Variants in TMEM178B observed in about 807,000 individuals in gnomAD.
The protein encoded by TMEM178B is transmembrane protein 178B.
Under a neutral mutation model 31.0 loss-of-function variants are expected in TMEM178B, and 5 were observed. The ratio of observed to expected loss-of-function variants is 0.16; its 90% confidence interval spans 0.08 to 0.34. The LOEUF is 0.34. TMEM178B is among the 10% of genes least tolerant of loss of function. TMEM178B has a pLI of 1.00. For synonymous variants in TMEM178B, 164 were observed against 164.0 expected, an observed-to-expected ratio of 1.00 and a Z score of 0.00; for missense variants, 275 against 400.3, an observed-to-expected ratio of 0.69 and a Z score of 2.67.
At chr7:141,409,194 G>A (rs1373244605) in intron 2 of TMEM178B, among the ~76,000 whole-genome samples, 3 of 152,170 alleles carry the variant, frequency 2.0e-5, no homozygotes, top group Non-Finnish European at 4.4e-5. Context: ...GCCACCCCAT[G>A]TCACTATCAT....
intron 2 of TMEM178B, among the ~76,000 whole-genome samples, chr7:141,251,534 G>A (rs912842067): frequency 2.0e-5 from 3 of 152,086 alleles, no homozygotes; most frequent in African/African-American, 4.8e-5. Context: ...CTAGGTGCAT[G>A]ATATAGAGTT....
intron 3 of TMEM178B, among the ~76,000 whole-genome samples, chr7:141,442,482 C>T (rs1443134255): frequency 1.3e-5 from 2 of 152,164 alleles, no homozygotes; most frequent in African/African-American, 4.8e-5. Context: ...CTCCTTACAC[C>T]TCTTTAGAAG....
intron 1 of TMEM178B, among the ~76,000 whole-genome samples, chr7:141,123,004 G>A (rs1795434082): frequency 6.6e-6 from 1 of 152,168 alleles, no homozygotes; most frequent in Non-Finnish European, 1.5e-5. Flanking sequence ...CTGAATTTCA[G>A]TCCAGTTCTA....
In TMEM178B at chr7:141,169,408, G is replaced by C. The variant is rs981994976; in HGVS notation, c.383-43183G>C. The stretch of plus-strand genomic sequence containing the variant: ...TTTTATGGCTGCATAGTATTCCATG[G>C]TGCATATGTGCCACATTTTCTTTAT... On this transcript the variant is annotated intron_variant, in intron 1 of 3. Coordinates refer to ENST00000565468, the MANE Select transcript of TMEM178B (RefSeq NM_001195278.2). 2.0e-5 allele frequency among the ~76,000 whole-genome samples: 3 copies of C among 152,224 alleles called. No homozygotes were observed. In the South Asian group the frequency reaches 6.2e-4, roughly 32 times the overall value.
rs902914323 is a variant in TMEM178B at position 141,472,437 on chromosome 7, A to C, written c.*1651A>C. The C allele has an allele frequency of 6.6e-6, 1 of 152,144 alleles. No homozygotes were observed. The highest frequency in any genetic ancestry group is 2.4e-5 in the African/African-American group (1 of 41,424). 9.4% of individuals were successfully genotyped at this position (152,144 alleles called of 1,614,324 possible). A position where few individuals can be genotyped will look rare whatever the true frequency, so the allele number is the denominator to read the frequency against. On this transcript the variant is annotated 3_prime_UTR_variant, in exon 4 of 4. Transcript: ENST00000565468. ...TAGCACTGCAGGTGCTGGCAAGCAA[A>C]GTCAGCCAGAGAGTTGTGAACGCTG...
At chr7:141,256,258 A>G (rs1172124306) in intron 2 of TMEM178B, among the ~76,000 whole-genome samples, 1 of 152,204 alleles carries the variant, frequency 6.6e-6, no homozygotes, top group South Asian at 2.1e-4. Context: ...AAATTAAAAG[A>G]AGGGATAGGG....
chr7:141,495,937 G>C, the TMEM178B span, among the ~76,000 whole-genome samples: 1 of 152,182 alleles, frequency 6.6e-6, no homozygotes, highest in African/African-American at 2.4e-5. Flanking sequence ...TTCAATCCAG[G>C]TGTGTCTGTC....
chr7:141,439,241 A>G lies in TMEM178B; in HGVS notation c.634+1496A>G, dbSNP rs190052005. Among the ~76,000 whole-genome samples the G allele has an allele frequency of 3.1e-3, 472 of 152,262 alleles. 4 individuals carry two copies. Among genetic ancestry groups the G allele is most frequent in the Admixed American group, 5.9e-3 (90 of 15,288 alleles). On this transcript the variant is annotated intron_variant, in intron 3 of 3. Coordinates refer to ENST00000565468, the MANE Select transcript of TMEM178B (RefSeq NM_001195278.2). The stretch of plus-strand genomic sequence containing the variant: ...GCCAAAGACAGGCAGGGTCTTTCCA[A>G]GGAAAAATCACTCAGGGCTAAAAAA...
rs190412692 is a variant in TMEM178B at position 141,106,612 on chromosome 7, C to T, written c.382+31920C>T. On this transcript the variant is annotated intron_variant, in intron 1 of 3. Coordinates refer to ENST00000565468, the MANE Select transcript of TMEM178B (RefSeq NM_001195278.2). ...GGAGCCTTCTTTCTTCCTCAGGCCA[C>T]TTTCTGAAGTAACAACTAGATAATT... Among the ~76,000 whole-genome samples, 156 of 152,300 alleles carry T rather than the reference C, an allele frequency of 1.0e-3. 1 individual carries two copies. The highest frequency in any genetic ancestry group is 3.6e-3 in the African/African-American group (151 of 41,576).
intron 2 of TMEM178B, among the ~76,000 whole-genome samples, chr7:141,311,715 A>G (rs571615409): frequency 7.9e-5 from 12 of 152,312 alleles, no homozygotes; most frequent in East Asian, 3.9e-4. Flanking sequence ...CTTAAAACCC[A>G]TTGTGGGTAT....
chr7:141,131,003 G>A (rs113218439), intron 1 of TMEM178B, among the ~76,000 whole-genome samples: 48 of 152,298 alleles, frequency 3.2e-4, no homozygotes, highest in African/African-American at 1.0e-3. Flanking sequence ...ATTAGAACGG[G>A]AACTCATCAG....
chr7:141,482,487 C>T (rs916085599), downstream of TMEM178B, among the ~76,000 whole-genome samples: 5 of 152,200 alleles, frequency 3.3e-5, no homozygotes, highest in African/African-American at 1.2e-4. Flanking sequence ...CAACAACTAG[C>T]AGCACCTGGT....
At chr7:141,239,183 C>T (rs1363028826) in intron 2 of TMEM178B, among the ~76,000 whole-genome samples, 2 of 152,166 alleles carry the variant, frequency 1.3e-5, no homozygotes, top group African/African-American at 4.8e-5. Context: ...TGCATGCGTG[C>T]ATATACATTT....
chr7:141,350,332 G>A (rs887660433), intron 2 of TMEM178B, among the ~76,000 whole-genome samples: 3 of 151,614 alleles, frequency 2.0e-5, no homozygotes, highest in Middle Eastern at 3.2e-3. Flanking sequence ...TCACTCTATG[G>A]TATATATCAC....
In TMEM178B at chr7:141,369,316, C is replaced by CGTGTGT. The variant is rs55960871; in HGVS notation, c.497-68255_497-68250dup. Among the ~76,000 whole-genome samples, 219 of 138,444 alleles carry CGTGTGT rather than the reference C, an allele frequency of 1.6e-3. 1 individual carries two copies. Among genetic ancestry groups the CGTGTGT allele is most frequent in the Non-Finnish European group, 2.3e-3 (145 of 63,586 alleles). The allele number at this position is 138,444 out of a possible 152,430, so 90.8% of individuals were successfully genotyped here. On this transcript the variant is annotated intron_variant, in intron 2 of 3. Coordinates refer to ENST00000565468, the MANE Select transcript of TMEM178B (RefSeq NM_001195278.2). ...CTTTCTCTCTGTCTCTCCGCGCCGA[C>CGTGTGT]GTGTGTGTGTGTGTGTGTGTGTGTG...
chr7:141,388,528 T>G (rs1448078487), intron 2 of TMEM178B, among the ~76,000 whole-genome samples: 1 of 152,216 alleles, frequency 6.6e-6, no homozygotes, highest in Non-Finnish European at 1.5e-5. Flanking sequence ...TGAGGTTGTT[T>G]TGCTCCCCTC....
chr7:141,265,722 C>T (rs1041265458), intron 2 of TMEM178B, among the ~76,000 whole-genome samples: 1 of 152,152 alleles, frequency 6.6e-6, no homozygotes, highest in African/African-American at 2.4e-5. Flanking sequence ...TTTTCCACCA[C>T]CAGGTACATT....
At chr7:141,308,005 T>C (rs1304644131) in intron 2 of TMEM178B, among the ~76,000 whole-genome samples, 1 of 152,218 alleles carries the variant, frequency 6.6e-6, no homozygotes, top group Non-Finnish European at 1.5e-5. Context: ...GTAGAGCAGA[T>C]GTTTTGTATA....
At position 141,341,939 on chromosome 7, in the gene TMEM178B, G is replaced by A. The variant is rs1335648979; in HGVS notation, c.497-95669G>A. Among the ~76,000 whole-genome samples the A allele has an allele frequency of 2.6e-5, 4 of 152,150 alleles. No homozygotes were observed. The East Asian group carries it at 5.8e-4, about 22-fold the overall frequency. On this transcript the variant is annotated intron_variant, in intron 2 of 3. Transcript: ENST00000565468. ...CTTCTAGTAGGAATGTACAAATTAC[G>A]TCAAAATACAACTTTTTTTCTTTTT...
Sources: allele counts gnomAD v4.1 joint callset (sites outside exome capture counted in the v4.1 genomes callset), GRCh38; gene constraint gnomAD v4.1.1; transcripts MANE v1.5; gene names NCBI Gene and HGNC (gene_info 2026-07-23, HGNC 2026-07-21).